GALNT2: variants seen among roughly 807,000 people sequenced by gnomAD.
GALNT2 encodes the protein polypeptide N-acetylgalactosaminyltransferase 2.
In GALNT2, 31 loss-of-function variants were observed where a neutral mutation model predicts 81.4. That is an observed-to-expected ratio of 0.38 (90% CI 0.29 to 0.51). The LOEUF is 0.51. Among genes scored for constraint, GALNT2 ranks in the 20% least tolerant of loss-of-function variants. The pLI is 0.87. For synonymous variants in GALNT2, 303 were observed against 287.4 expected, an observed-to-expected ratio of 1.05 and a Z score of -0.55; for missense variants, 629 against 765.7, an observed-to-expected ratio of 0.82 and a Z score of 2.11.
rs185876073 is a variant in GALNT2 at position 230,225,687 on chromosome 1, T to G, written c.375-10327T>G. On this transcript the variant is annotated intron_variant, in intron 3 of 15. Transcript: ENST00000366672. ...GGAGGAGGCAGAGTTTTTTTGTTTT[T>G]TTTTTTTTAACCTCTGTGCTATATG... Among the ~76,000 whole-genome samples, 416 of 151,936 alleles carry G rather than the reference T, an allele frequency of 2.7e-3. 14 individuals are homozygous for G. The highest frequency in any genetic ancestry group is 8.2e-4 in the Non-Finnish European group (56 of 67,918).
chr1:230,223,643 G>C (rs1178807367), intron 3 of GALNT2, among the ~76,000 whole-genome samples: 2 of 151,980 alleles, frequency 1.3e-5, no homozygotes, highest in African/African-American at 4.8e-5. Flanking sequence ...GTAAATTTTT[G>C]TATTTTTAGT....
chr1:230,176,045 C>G (rs190140131), intron 1 of GALNT2, among the ~76,000 whole-genome samples: 102 of 152,164 alleles, frequency 6.7e-4, no homozygotes, highest in African/African-American at 2.4e-3. Context: ...AGTAGGTATT[C>G]GTAAATGGCA....
chr1:230,184,917 A>G (rs979909617), intron 2 of GALNT2, among the ~76,000 whole-genome samples: 13 of 151,588 alleles, frequency 8.6e-5, no homozygotes, highest in East Asian at 3.9e-4. Context: ...TATTATTTCA[A>G]TTTTTTTCAT....
chr1:230,218,635 A>G (rs1189022363), intron 3 of GALNT2, among the ~76,000 whole-genome samples: 1 of 152,248 alleles, frequency 6.6e-6, no homozygotes, highest in Non-Finnish European at 1.5e-5. Context: ...GGATGAAGAT[A>G]TACAAAAATC....
At chr1:230,239,495 A>G (rs539472089) in intron 6 of GALNT2, among the ~76,000 whole-genome samples, 5 of 152,330 alleles carry the variant, frequency 3.3e-5, no homozygotes, top group Admixed American at 1.3e-4. Flanking sequence ...TTGGAGTCCA[A>G]TGTTCAAGGG....
At chr1:230,178,348 C>A in intron 2 of GALNT2, 37 bp downstream of exon 2, 1 of 1,512,250 alleles carries the variant, frequency 6.6e-7, no homozygotes, top group Non-Finnish European at 9.2e-7. Flanking sequence ...TTGCTTTGAG[C>A]ACGTGATTGG....
intron 1 of GALNT2, chr1:230,091,674 A>T (rs922080996): frequency 1.7e-4 from 26 of 152,354 alleles, no homozygotes; most frequent in Admixed American, 1.4e-3. Flanking sequence ...GGCCACCTCC[A>T]TCAGCAGGAG....
At chr1:230,135,180 G>T (rs920943153) in intron 1 of GALNT2, among the ~76,000 whole-genome samples, 1 of 152,000 alleles carries the variant, frequency 6.6e-6, no homozygotes, top group Admixed American at 6.6e-5. Context: ...CCTGGAATTG[G>T]TGTTTGGTCC....
intron 3 of GALNT2, among the ~76,000 whole-genome samples, chr1:230,233,002 G>C (rs776330882): frequency 6.6e-6 from 1 of 152,064 alleles, no homozygotes; most frequent in Non-Finnish European, 1.5e-5. Flanking sequence ...TGACCTAATT[G>C]CTTTTTAATT....
chr1:230,245,662 AT>A (rs1665345975), intron 7 of GALNT2, among the ~76,000 whole-genome samples: 1 of 152,196 alleles, frequency 6.6e-6, no homozygotes, highest in Non-Finnish European at 1.5e-5. Flanking sequence ...CAGTGACTCC[AT>A]TCCTGAAGTT....
At chr1:230,247,431 G>C (rs891787782) in intron 8 of GALNT2, among the ~76,000 whole-genome samples, 1 of 152,190 alleles carries the variant, frequency 6.6e-6, no homozygotes, top group African/African-American at 2.4e-5. Context: ...GGCCACACAG[G>C]GCATAATGGA....
At chr1:230,244,829 G>A (rs978435526) in intron 7 of GALNT2, among the ~76,000 whole-genome samples, 2 of 152,174 alleles carry the variant, frequency 1.3e-5, no homozygotes, top group Non-Finnish European at 2.9e-5. Context: ...TTGCACCTGG[G>A]TGTTACAGAG....
In GALNT2 at chr1:230,279,287, C is replaced by G; in HGVS notation, c.1561-16C>G. The G allele has an allele frequency of 6.2e-7, 1 of 1,612,056 alleles. No individual in the cohort carries two copies. Among genetic ancestry groups the G allele is most frequent in the Non-Finnish European group, 8.5e-7 (1 of 1,178,700 alleles). On this transcript the variant is annotated splice_polypyrimidine_tract_variant and intron_variant, in intron 15 of 15. Coordinates refer to ENST00000366672, the MANE Select transcript of GALNT2 (RefSeq NM_004481.5). This position sits in a 1 kb window ranked among gnomAD's most constrained non-coding sequence, Gnocchi z 4.6. ...GCTTGTGCCCACACTCTAAGGCACTCTCCTGTGTCTTGCAGAAATGGGAAC... is the reference window on the plus strand; with the variant it reads ...GCTTGTGCCCACACTCTAAGGCACTGTCCTGTGTCTTGCAGAAATGGGAAC...
At chr1:230,234,941 C>T (rs1664978910) in intron 3 of GALNT2, among the ~76,000 whole-genome samples, 1 of 152,168 alleles carries the variant, frequency 6.6e-6, no homozygotes, top group South Asian at 2.1e-4. Context: ...TGACTGAGCA[C>T]AGTGGCTCAT....
chr1:230,261,081 CTTTTT>C (rs60478941), intron 11 of GALNT2, among the ~76,000 whole-genome samples: 11 of 130,382 alleles, frequency 8.4e-5, no homozygotes, highest in East Asian at 2.2e-4. Context: ...TAAAGTTTCT[CTTTTT>C]TTTTTTTTTT....
At chr1:230,077,181 CATT>C (rs1659589279) in intron 1 of GALNT2, among the ~76,000 whole-genome samples, 1 of 152,172 alleles carries the variant, frequency 6.6e-6, no homozygotes, top group Non-Finnish European at 1.5e-5. Context: ...CTCCCAGTCT[CATT>C]GTTTCCTCCT....
At chr1:230,177,089 G>A (rs149535262) in intron 1 of GALNT2, among the ~76,000 whole-genome samples, 1 of 152,220 alleles carries the variant, frequency 6.6e-6, no homozygotes, top group Non-Finnish European at 1.5e-5. Context: ...TCTAATTACC[G>A]CACCTCTTGA....
At position 230,267,039 on chromosome 1, in the gene GALNT2, G is replaced by A. The variant is rs150020807; in HGVS notation, c.1440+1672G>A. Reference sequence around the variant, plus strand: ...ACACAATAGCACATATGCTCATCACGTTCTCACACAACAGCTCTCTTCTCC... The same window carrying A: ...ACACAATAGCACATATGCTCATCACATTCTCACACAACAGCTCTCTTCTCC... On this transcript the variant is annotated intron_variant, in intron 14 of 15. Coordinates refer to ENST00000366672, the MANE Select transcript of GALNT2 (RefSeq NM_004481.5). 5.0e-3 allele frequency among the ~76,000 whole-genome samples: 762 copies of A among 151,532 alleles called. 2 individuals carry two copies. Among genetic ancestry groups the A allele is most frequent in the African/African-American group, 0.018 (728 of 41,166 alleles).
chr1:230,067,713 T>C (rs546999360), intron 1 of GALNT2, among the ~76,000 whole-genome samples: 1 of 151,712 alleles, frequency 6.6e-6, no homozygotes, highest in Non-Finnish European at 1.5e-5. Flanking sequence ...TCCCCTGCGG[T>C]TGGAAGTTTA....
Sources: gnomAD v4.1 joint callset for allele counts (sites outside exome capture counted in the v4.1 genomes callset) on GRCh38, gnomAD v4.1.1 for gene constraint, Gnocchi (gnomAD v3.1) non-coding constraint, MANE v1.5 for transcripts, NCBI Gene and HGNC (gene_info 2026-07-23, HGNC 2026-07-21) for gene names.